Variants in LRP1B observed in about 807,000 individuals in gnomAD.
The protein encoded by LRP1B is LDL receptor related protein 1B.
Under a neutral mutation model 556.6 loss-of-function variants are expected in LRP1B, and 217 were observed. That is an observed-to-expected ratio of 0.39 (90% confidence interval 0.35 to 0.44). The LOEUF (loss-of-function observed/expected upper bound fraction) is 0.44. Ranked by LOEUF, LRP1B falls within the 20% of genes least tolerant of loss-of-function variation. LRP1B has a pLI of 1.00. For missense variants in LRP1B, 5,053 were observed against 5,620.8 expected, an observed-to-expected ratio of 0.90 and a Z score of 3.23; for synonymous variants, 2,047 against 1,865.8, an observed-to-expected ratio of 1.10 and a Z score of -2.50.
intron 3 of LRP1B, among the ~76,000 whole-genome samples, chr2:141,479,812 T>G (rs1488215350): frequency 6.6e-6 from 1 of 152,176 alleles, no homozygotes; most frequent in African/African-American, 2.4e-5. Context: ...TTATTAATTT[T>G]TAGATTTTAA....
Position 141,555,544 on chromosome 2 carries a change from T to C in LRP1B, c.206-75011A>G, listed in dbSNP as rs377031677. On this transcript the variant is annotated intron_variant, in intron 2 of 90. Coordinates refer to ENST00000389484, the MANE Select transcript of LRP1B (RefSeq NM_018557.3). Reference sequence around the variant, plus strand: ...TAAATGAGTAAACATGAAAATACTATACGTTTGGCTAAATTCTTCATAAAA... The same window carrying C: ...TAAATGAGTAAACATGAAAATACTACACGTTTGGCTAAATTCTTCATAAAA... Among the ~76,000 whole-genome samples the C allele has an allele frequency of 4.4e-4, 67 of 152,028 alleles. 1 individual carries two copies. The South Asian group carries it at 0.013, about 31-fold the overall frequency.
intron 41 of LRP1B, among the ~76,000 whole-genome samples, chr2:140,637,348 G>A (rs970358013): frequency 2.0e-5 from 3 of 152,132 alleles, no homozygotes; most frequent in African/African-American, 7.2e-5. Context: ...AACATAACTG[G>A]TAATTTCAAT....
At chr2:141,389,264 A>G (rs994347956) in intron 3 of LRP1B, among the ~76,000 whole-genome samples, 2 of 152,200 alleles carry the variant, frequency 1.3e-5, no homozygotes, top group Non-Finnish European at 2.9e-5. Flanking sequence ...TGTTATAGGC[A>G]TAATGGCATA....
chr2:141,332,277 C>T (rs1394285709), intron 3 of LRP1B, among the ~76,000 whole-genome samples: 1 of 152,002 alleles, frequency 6.6e-6, no homozygotes, highest in Non-Finnish European at 1.5e-5. Context: ...GAGCCTATAA[C>T]CACCTAGCCT....
intron 2 of LRP1B, among the ~76,000 whole-genome samples, chr2:141,595,733 A>G (rs1358552317): frequency 6.6e-6 from 1 of 152,112 alleles, no homozygotes; most frequent in Non-Finnish European, 1.5e-5. Flanking sequence ...TCCCGTTGCC[A>G]TCACAAGCAT....
At chr2:140,274,372 A>G in intron 85 of LRP1B, 52 bp downstream of exon 85, 2 of 1,482,776 alleles carry the variant, frequency 1.3e-6, no homozygotes, top group East Asian at 2.3e-5. Flanking sequence ...CTGAACTGCA[A>G]TGTCCATTGG....
chr2:141,792,135 T>C (rs560868012), intron 2 of LRP1B, among the ~76,000 whole-genome samples: 70 of 152,148 alleles, frequency 4.6e-4, no homozygotes, highest in African/African-American at 1.6e-3. Context: ...GTATTCACTT[T>C]GTTTATATTG....
At position 140,485,474 on chromosome 2, in the gene LRP1B, T is replaced by C. The variant is rs578194727; in HGVS notation, c.9294A>G (p.Gly3098=). 9.3e-6 allele frequency: 15 copies of C among 1,613,880 alleles called. No homozygotes were observed. The highest frequency in any genetic ancestry group is 2.2e-5 in the South Asian group (2 of 91,070). ...VPNALAVDWI[G]KNLYWSDTEK... is the part of the protein sequence containing the mutation. ...CTGTGTCAGACCAATAGAGGTTTTT[T>C]CCAATCCAATCGACAGCAAGTGCAT... The change falls in exon 59 of 91, where the codon GGA becomes GGG. Residue 3098 remains glycine (G), a synonymous_variant. Transcript: ENST00000389484.
intron 23 of LRP1B, among the ~76,000 whole-genome samples, chr2:140,897,052 T>C (rs1693974127): frequency 6.6e-6 from 1 of 152,214 alleles, no homozygotes; most frequent in African/African-American, 2.4e-5. Flanking sequence ...CAAAGTGCAC[T>C]ATACATTTCA....
intron 1 of LRP1B, among the ~76,000 whole-genome samples, chr2:142,010,238 G>C (rs1172233468): frequency 6.6e-6 from 1 of 151,958 alleles, no homozygotes; most frequent in Non-Finnish European, 1.5e-5. Flanking sequence ...ACAAAACACT[G>C]ACTACAAATG....
At chr2:141,573,745 T>C (rs1189904998) in intron 2 of LRP1B, among the ~76,000 whole-genome samples, 1 of 147,652 alleles carries the variant, frequency 6.8e-6, no homozygotes, top group Non-Finnish European at 1.5e-5. Flanking sequence ...ATAGACACAA[T>C]AAAAAATGAT....
intron 66 of LRP1B, among the ~76,000 whole-genome samples, chr2:140,441,681 A>T (rs1354760171): frequency 6.6e-6 from 1 of 152,172 alleles, no homozygotes; most frequent in Non-Finnish European, 1.5e-5. Flanking sequence ...CATTTAACAC[A>T]CTTCTGTGAA....
At chr2:140,551,403 C>T (rs1680543088) in intron 43 of LRP1B, among the ~76,000 whole-genome samples, 2 of 151,986 alleles carry the variant, frequency 1.3e-5, no homozygotes, top group Non-Finnish European at 2.9e-5. Flanking sequence ...AATCCAACAA[C>T]AACAGGGAGC....
At chr2:141,238,694 G>C (rs1683748687) in intron 5 of LRP1B, among the ~76,000 whole-genome samples, 1 of 152,044 alleles carries the variant, frequency 6.6e-6, no homozygotes, top group African/African-American at 2.4e-5. Context: ...ATGAGGATGA[G>C]GGCTTATCTT....
At chr2:141,149,056 G>A (rs1701855936) in intron 7 of LRP1B, among the ~76,000 whole-genome samples, 1 of 152,022 alleles carries the variant, frequency 6.6e-6, no homozygotes, top group Non-Finnish European at 1.5e-5. Flanking sequence ...TGTCCCCCAG[G>A]TGGAGTGCAG....
At chr2:140,427,912 C>T (rs989951935) in intron 66 of LRP1B, among the ~76,000 whole-genome samples, 3 of 152,092 alleles carry the variant, frequency 2.0e-5, no homozygotes, top group Admixed American at 6.5e-5. Flanking sequence ...AGTTTCATGC[C>T]GTGACTAGCC....
At chr2:140,607,882 T>C (rs1292999432) in intron 41 of LRP1B, among the ~76,000 whole-genome samples, 1 of 151,994 alleles carries the variant, frequency 6.6e-6, no homozygotes, top group Non-Finnish European at 1.5e-5. Context: ...ATTCAATCGA[T>C]GAATGGGATG....
chr2:141,071,040 G>C (rs1271871744), intron 7 of LRP1B, among the ~76,000 whole-genome samples: 1 of 152,036 alleles, frequency 6.6e-6, no homozygotes, highest in Non-Finnish European at 1.5e-5. Context: ...AAGCCGGGCA[G>C]AGACACAACC....
At chr2:141,043,132 G>A (rs1056683765) in intron 11 of LRP1B, among the ~76,000 whole-genome samples, 1 of 151,346 alleles carries the variant, frequency 6.6e-6, no homozygotes, top group African/African-American at 2.4e-5. Context: ...GAGTGCAGGA[G>A]GAGGAGGATG....
Sources: gnomAD v4.1 joint callset for allele counts (sites outside exome capture counted in the v4.1 genomes callset) on GRCh38, gnomAD v4.1.1 for gene constraint, MANE v1.5 for transcripts, NCBI Gene and HGNC (gene_info 2026-07-23, HGNC 2026-07-21) for gene names.